The following STRBP variants were observed in gnomAD, a reference collection of about 807,000 sequenced individuals.
STRBP encodes the protein spermatid perinuclear RNA binding protein.
A neutral mutation model predicts 80.1 loss-of-function variants in STRBP; 13 were observed. The ratio of observed to expected loss-of-function variants is 0.16; its 90% CI spans 0.11 to 0.26. The LOEUF is 0.26. Ranked by LOEUF, STRBP falls within the 10% of genes least tolerant of loss-of-function variation. The probability of loss-of-function intolerance (pLI) is 1.00; values close to 1 mark genes in which losing one functional copy is unlikely to be tolerated. For synonymous variants in STRBP, 284 were observed against 291.2 expected (o/e 0.98, Z 0.25); for missense variants, 485 against 815.2 (o/e 0.59, Z 4.93).
At chr9:123,202,414 A>T (rs1369380613) in intron 2 of STRBP, among the ~76,000 whole-genome samples, 1 of 152,194 alleles carries the variant, frequency 6.6e-6, no homozygotes, top group Non-Finnish European at 1.5e-5. Context: ...GGTAGGGACA[A>T]ATTCCCCTGG....
chr9:123,167,722 A>G (rs1588032115), intron 6 of STRBP, among the ~76,000 whole-genome samples: 2 of 152,166 alleles, frequency 1.3e-5, no homozygotes, highest in Admixed American at 6.5e-5. Flanking sequence ...CTGATCCCAT[A>G]TAACAGCTGA....
At chr9:123,258,455 G>A (rs1305299471) in intron 1 of STRBP, among the ~76,000 whole-genome samples, 5 of 152,206 alleles carry the variant, frequency 3.3e-5, no homozygotes, top group Admixed American at 2.6e-4. Context: ...ATTCTGGACA[G>A]GGTAAACAAC....
rs561054166 is a variant in STRBP at position 123,169,932 on chromosome 9, T to C, written c.505A>G (p.Ile169Val). 3.8e-6 allele frequency: 6 copies of C among 1,592,852 alleles called. No homozygotes were observed. The East Asian group carries it at 9.1e-5, about 24-fold the overall frequency. ...TCCTTCTTCTCCAATTCGTCCCTAA[T>C]TAGAGGTGAGGTAAGTATCACCTTC... ...TLKVILTSPL[I>V]RDELEKKDGE... The change falls in exon 6 of 19, where the codon ATT becomes GTT. Residue 169 changes from isoleucine to valine, a missense_variant. By Grantham distance (29) the Ile-to-Val change is conservative. Around this residue, in one of 3 missense-constraint regions of STRBP, gnomAD observed 377 missense variants for 616.1 expected, o/e 0.61. Coordinates refer to ENST00000348403, the MANE Select transcript of STRBP (RefSeq NM_018387.5).
intron 6 of STRBP, among the ~76,000 whole-genome samples, chr9:123,169,470 C>A (rs2037916530): frequency 6.6e-6 from 1 of 152,134 alleles, no homozygotes. Flanking sequence ...CATGCCCAAC[C>A]AGGATGCAAG....
At chr9:123,221,213 A>G (rs1307145549) in intron 2 of STRBP, among the ~76,000 whole-genome samples, 3 of 152,084 alleles carry the variant, frequency 2.0e-5, no homozygotes, top group Non-Finnish European at 4.4e-5. Flanking sequence ...CCCCTTTCCT[A>G]CCATGACTCC....
chr9:123,120,278 T>C (rs2035709604), downstream of STRBP, among the ~76,000 whole-genome samples: 2 of 150,844 alleles, frequency 1.3e-5, no homozygotes, highest in Admixed American at 6.6e-5. Flanking sequence ...GGCGTCAGAC[T>C]GTATAGAGTA....
intron 17 of STRBP, among the ~76,000 whole-genome samples, 158 bp downstream of exon 17, chr9:123,132,687 A>G (rs905411391): frequency 5.9e-5 from 9 of 152,208 alleles, no homozygotes; most frequent in Admixed American, 5.9e-4. Flanking sequence ...GAGAACACCT[A>G]TGACATTCTG....
chr9:123,240,778 T>A (rs1307302753), intron 1 of STRBP, among the ~76,000 whole-genome samples: 2 of 152,340 alleles, frequency 1.3e-5, no homozygotes, highest in East Asian at 3.9e-4. Context: ...CCCAGTTTTA[T>A]AACTCTGTAT....
chr9:123,186,149 C>G (rs1054227033), intron 2 of STRBP, among the ~76,000 whole-genome samples: 2 of 151,874 alleles, frequency 1.3e-5, no homozygotes, highest in Non-Finnish European at 2.9e-5. Flanking sequence ...TTAAGACCAG[C>G]CTGGGCAACA....
intron 2 of STRBP, among the ~76,000 whole-genome samples, chr9:123,209,351 G>A (rs185812630): frequency 6.6e-6 from 1 of 152,126 alleles, no homozygotes; most frequent in East Asian, 1.9e-4. Flanking sequence ...ACAAATACCA[G>A]GAAAGCACTT....
chr9:123,139,691 T>C lies in STRBP; in HGVS notation c.1339-4A>G, dbSNP rs1205925308. The C allele has an allele frequency of 6.2e-7, 1 of 1,606,026 alleles. No homozygotes were observed. The highest frequency in any genetic ancestry group is 8.5e-7 in the Non-Finnish European group (1 of 1,178,264). Reference sequence around the variant, plus strand: ...GATATCCCATTGCCTGCAATACCTGTACAAATTACATTAAAATGCAGTTTT... The same window carrying C: ...GATATCCCATTGCCTGCAATACCTGCACAAATTACATTAAAATGCAGTTTT... On this transcript the variant is annotated splice_region_variant and splice_polypyrimidine_tract_variant and intron_variant, in intron 13 of 18. Transcript: ENST00000348403.
At chr9:123,187,466 G>A (rs1588067758) in intron 2 of STRBP, among the ~76,000 whole-genome samples, 1 of 152,010 alleles carries the variant, frequency 6.6e-6, no homozygotes. Context: ...CCCAATAAAT[G>A]GTTTCGGGAA....
intron 6 of STRBP, among the ~76,000 whole-genome samples, chr9:123,162,203 A>G (rs1010039831): frequency 1.3e-5 from 2 of 150,786 alleles, no homozygotes; most frequent in African/African-American, 4.8e-5. Flanking sequence ...CTATTACAAC[A>G]ATCAATGTTT....
chr9:123,169,966 C>G lies in STRBP; in HGVS notation c.471G>C (p.Thr157=). ...SIIIRNTKEP[T]LTLKVILTSP... ...AGGTAAGTATCACCTTCAAAGTTAG[C>G]GTGGGCTCTTTTGTATTCCGAATTA... The change falls in exon 6 of 19, where the codon ACG becomes ACC. Residue 157 remains threonine, a synonymous_variant. Coordinates refer to ENST00000348403, the MANE Select transcript of STRBP (RefSeq NM_018387.5). The G allele has an allele frequency of 6.2e-7, 1 of 1,608,138 alleles. No individual in the cohort carries two copies. The highest frequency in any genetic ancestry group is 2.2e-5 in the East Asian group (1 of 44,504).
chr9:123,221,297 C>T (rs560563850), intron 2 of STRBP, among the ~76,000 whole-genome samples: 1 of 152,270 alleles, frequency 6.6e-6, no homozygotes, highest in East Asian at 1.9e-4. Flanking sequence ...CTCACATCCT[C>T]CACGGGTGGT....
intron 1 of STRBP, among the ~76,000 whole-genome samples, chr9:123,261,808 T>C (rs1015895943): frequency 6.6e-6 from 1 of 152,222 alleles, no homozygotes; most frequent in African/African-American, 2.4e-5. Context: ...TTTTCCCCTC[T>C]AGTTCACTAT....
At chr9:123,127,441 C>T (rs777399915) in intron 18 of STRBP, among the ~76,000 whole-genome samples, 8 of 152,314 alleles carry the variant, frequency 5.3e-5, no homozygotes, top group Admixed American at 2.0e-4. Flanking sequence ...TCTCTGACAA[C>T]ACCCTGCAGA....
At position 123,126,930 on chromosome 9, in the gene STRBP, G is replaced by C. The variant is rs2035917846; in HGVS notation, c.1943-1257C>G. The stretch of plus-strand genomic sequence containing the variant: ...AAAGGAACTAGAGAGTTTGAATTTA[G>C]AAGGAAACCTGCGTAAGCTTATTAT... On this transcript the variant is annotated intron_variant, in intron 18 of 18. Coordinates refer to ENST00000348403, the MANE Select transcript of STRBP (RefSeq NM_018387.5). The surrounding 1 kb of genome is among the most constrained non-coding windows in gnomAD (Gnocchi z 4.4). 6.6e-6 allele frequency among the ~76,000 whole-genome samples: 1 copy of C among 152,206 alleles called. No homozygotes were observed. Among genetic ancestry groups the C allele is most frequent in the African/African-American group, 2.4e-5 (1 of 41,438 alleles).
Position 123,122,256 on chromosome 9 carries a change from G to A in STRBP, c.*3341C>T, listed in dbSNP as rs536054036. ...TCAGCCTATTTTATACAAGTGATAT[G>A]GCTACGAAGGTCCGAGGAGAACGAG... is the stretch of plus-strand genomic sequence containing the variant. On this transcript the variant is annotated 3_prime_UTR_variant, in exon 19 of 19. Coordinates refer to ENST00000348403, the MANE Select transcript of STRBP (RefSeq NM_018387.5). The A allele has an allele frequency of 1.8e-6, 2 of 1,138,116 alleles. No homozygotes were observed. Among genetic ancestry groups the A allele is most frequent in the Non-Finnish European group, 2.3e-6 (2 of 851,814 alleles). 70.5% of individuals were successfully genotyped at this position (1,138,116 alleles called of 1,614,324 possible). A position where few individuals can be genotyped will look rare whatever the true frequency, so the allele number is the denominator to read the frequency against.
Sources: allele counts gnomAD v4.1 joint callset (sites outside exome capture counted in the v4.1 genomes callset), GRCh38; gene constraint gnomAD v4.1.1; regional missense constraint gnomAD v4.1.1; non-coding constraint Gnocchi (gnomAD v3.1); transcripts MANE v1.5; gene names NCBI Gene and HGNC (gene_info 2026-07-23, HGNC 2026-07-21).